Variants in CNTN4 observed in about 807,000 individuals in gnomAD.
CNTN4 encodes the protein contactin-4.
A neutral mutation model predicts 122.5 loss-of-function variants in CNTN4; 77 were observed. The ratio of observed to expected loss-of-function variants is 0.63; its 90% confidence interval spans 0.52 to 0.76. The LOEUF (loss-of-function observed/expected upper bound fraction) is 0.76, where lower values mean the gene tolerates loss of function less well. Ranked by LOEUF, CNTN4 falls within the 30% of genes least tolerant of loss-of-function variation. The pLI, the probability that CNTN4 is intolerant of heterozygous loss-of-function variation, is 0.00. For synonymous variants in CNTN4, 512 were observed against 447.0 expected (o/e 1.15, Z -1.83); for missense variants, 1,256 against 1,259.1 (o/e 1.00, Z 0.04).
chr3:2,452,711 A>G (rs9841813), intron 3 of CNTN4, among the ~76,000 whole-genome samples: 102,913 of 151,980 alleles, frequency 0.68, 35,548 homozygotes, highest in African/African-American at 0.8. Context: ...AGTTGGAAAA[A>G]GACAGGGACC....
intron 6 of CNTN4, among the ~76,000 whole-genome samples, chr3:2,763,162 G>T (rs1301088014): frequency 3.9e-5 from 6 of 152,026 alleles, no homozygotes; most frequent in Non-Finnish European, 8.8e-5. Flanking sequence ...AGCCAGGATG[G>T]TTTCGATCTC....
chr3:2,567,321 C>T (rs763872924), intron 3 of CNTN4, among the ~76,000 whole-genome samples: 3 of 151,940 alleles, frequency 2.0e-5, no homozygotes, highest in Non-Finnish European at 4.4e-5. Context: ...CTCATGACTT[C>T]GTGATCCACC....
chr3:2,615,314 T>G, intron 4 of CNTN4, among the ~76,000 whole-genome samples: 1 of 152,236 alleles, frequency 6.6e-6, no homozygotes, highest in East Asian at 1.9e-4. Flanking sequence ...GTCAGCATTT[T>G]GAGCAGAAGT....
At chr3:2,600,006 TTC>T (rs1468891313) in intron 4 of CNTN4, among the ~76,000 whole-genome samples, 3,661 of 87,936 alleles carry the variant, frequency 0.042, 763 homozygotes, top group African/African-American at 0.18. Flanking sequence ...TATGGAATTC[TTC>T]TTTTTTTTTT....
chr3:2,989,549 G>A (rs1426598828), intron 14 of CNTN4, among the ~76,000 whole-genome samples: 1 of 152,174 alleles, frequency 6.6e-6, no homozygotes, highest in Non-Finnish European at 1.5e-5. Flanking sequence ...GTCATTAGAA[G>A]TTGGAAATGT....
At chr3:2,365,910 G>A (rs1186694398) in intron 3 of CNTN4, among the ~76,000 whole-genome samples, 2 of 152,146 alleles carry the variant, frequency 1.3e-5, no homozygotes, top group Non-Finnish European at 2.9e-5. Flanking sequence ...TTTGTTTTCG[G>A]TTCTGCCTCA....
At chr3:2,730,246 C>G (rs1484260334) in intron 4 of CNTN4, among the ~76,000 whole-genome samples, 1 of 152,114 alleles carries the variant, frequency 6.6e-6, no homozygotes, top group Non-Finnish European at 1.5e-5. Flanking sequence ...TACCTATAGC[C>G]TGAAGGTGAT....
chr3:2,953,780 G>C (rs949252158), intron 13 of CNTN4, among the ~76,000 whole-genome samples: 2 of 152,184 alleles, frequency 1.3e-5, no homozygotes, highest in Non-Finnish European at 2.9e-5. Context: ...GTGAAGCTTT[G>C]CTGGGCCTAT....
At chr3:2,366,120 C>G (rs1371773585) in intron 3 of CNTN4, among the ~76,000 whole-genome samples, 3 of 152,074 alleles carry the variant, frequency 2.0e-5, no homozygotes, top group Admixed American at 1.3e-4. Context: ...TTCTTTGAAC[C>G]TTAGCTCTCA....
chr3:2,387,262 G>A (rs1014998980), intron 3 of CNTN4, among the ~76,000 whole-genome samples: 3 of 151,956 alleles, frequency 2.0e-5, no homozygotes, highest in Non-Finnish European at 2.9e-5. Context: ...GTAATGCAAG[G>A]GTTCTTTACA....
intron 4 of CNTN4, among the ~76,000 whole-genome samples, chr3:2,589,988 A>G (rs2080388482): frequency 6.6e-6 from 1 of 152,206 alleles, no homozygotes; most frequent in African/African-American, 2.4e-5. Flanking sequence ...CCCACACTCA[A>G]GGGAAGGGAA....
intron 13 of CNTN4, among the ~76,000 whole-genome samples, chr3:2,926,707 T>C (rs1276085039): frequency 6.6e-6 from 1 of 152,222 alleles, no homozygotes; most frequent in South Asian, 2.1e-4. Flanking sequence ...TGCATATACA[T>C]ATTAGACCTG....
chr3:2,176,313 T>C (rs1464129072), intron 2 of CNTN4, among the ~76,000 whole-genome samples: 5 of 152,194 alleles, frequency 3.3e-5, no homozygotes, highest in African/African-American at 4.8e-5. Flanking sequence ...AAGGGTCTAA[T>C]ATGTACTTAT....
chr3:2,129,710 G>A (rs1369394546), intron 2 of CNTN4, among the ~76,000 whole-genome samples: 1 of 151,414 alleles, frequency 6.6e-6, no homozygotes, highest in African/African-American at 2.4e-5. Context: ...CTTCTGCTTG[G>A]CAGTTAACTT....
At chr3:2,667,755 A>C (rs1422312804) in intron 4 of CNTN4, among the ~76,000 whole-genome samples, 1 of 139,724 alleles carries the variant, frequency 7.2e-6, no homozygotes, top group Non-Finnish European at 1.5e-5. Flanking sequence ...ATCCATCTTG[A>C]ATTGATTTTT....
intron 3 of CNTN4, among the ~76,000 whole-genome samples, chr3:2,475,439 A>G (rs1318234254): frequency 1.3e-5 from 2 of 152,220 alleles, no homozygotes; most frequent in Non-Finnish European, 2.9e-5. Flanking sequence ...CAGTGAGCTT[A>G]GGAACCCAGA....
chr3:2,748,636 C>T (rs972742102), intron 6 of CNTN4, among the ~76,000 whole-genome samples: 34 of 152,162 alleles, frequency 2.2e-4, no homozygotes, highest in Non-Finnish European at 3.7e-4. Context: ...ATACTATAAT[C>T]GAACTCCAAT....
intron 2 of CNTN4, among the ~76,000 whole-genome samples, chr3:2,146,129 T>A (rs1036822728): frequency 1.5e-4 from 22 of 151,690 alleles, no homozygotes; most frequent in Non-Finnish European, 2.5e-4. Context: ...TGATATTTTT[T>A]ATCTATATTT....
intron 3 of CNTN4, among the ~76,000 whole-genome samples, chr3:2,492,987 A>T (rs549665720): frequency 4.1e-4 from 63 of 152,334 alleles, no homozygotes; most frequent in African/African-American, 1.5e-3. Context: ...GGGCATTAAG[A>T]ACTGTTTTTA....
Sources: gnomAD v4.1 joint callset for allele counts (sites outside exome capture counted in the v4.1 genomes callset) on GRCh38, gnomAD v4.1.1 for gene constraint, MANE v1.5 for transcripts, NCBI Gene and HGNC (gene_info 2026-07-23, HGNC 2026-07-21) for gene names.